Variants in CSMD1 observed in about 807,000 individuals in gnomAD.
CSMD1 encodes the protein CUB and Sushi multiple domains 1, also known as CUB and sushi domain-containing protein 1.
CSMD1 carries 213 observed loss-of-function variants against 417.5 expected under a neutral mutation model. The ratio of observed to expected loss-of-function variants is 0.51; its 90% CI spans 0.46 to 0.57. The LOEUF is 0.57. CSMD1 is among the 20% of genes least tolerant of loss of function. The pLI is 0.00. For missense variants in CSMD1, 6,923 were observed against 4,529.7 expected, an observed-to-expected ratio of 1.53 and a Z score of -15.17; for synonymous variants, 2,862 against 1,736.8, an observed-to-expected ratio of 1.65 and a Z score of -16.11.
intron 35 of CSMD1, 119 bp from the exon 36 acceptor site, chr8:3,188,084 A>ATATATG (rs1422257129): frequency 3.2e-6 from 1 of 311,820 alleles, no homozygotes; most frequent in African/African-American, 2.5e-5. Flanking sequence ...ATACATATGT[A>ATATATG]TATGTATATA....
chr8:4,148,821 C>T (rs529029367), intron 3 of CSMD1, among the ~76,000 whole-genome samples: 1 of 152,268 alleles, frequency 6.6e-6, no homozygotes, highest in East Asian at 1.9e-4. Context: ...ATGATTCAGT[C>T]CCTCATGCTG....
chr8:3,163,092 G>C (rs1437913893), intron 37 of CSMD1, among the ~76,000 whole-genome samples: 1 of 152,210 alleles, frequency 6.6e-6, no homozygotes, highest in Non-Finnish European at 1.5e-5. Context: ...AGATGAGCAA[G>C]TTCTGAGGAT....
At chr8:3,648,733 C>A (rs2117366615) in intron 7 of CSMD1, among the ~76,000 whole-genome samples, 1 of 152,260 alleles carries the variant, frequency 6.6e-6, no homozygotes, top group Non-Finnish European at 1.5e-5. Context: ...AGTTACATGG[C>A]TCATGTCTGT....
chr8:3,790,590 G>C (rs1330134577), intron 5 of CSMD1, among the ~76,000 whole-genome samples: 1 of 151,946 alleles, frequency 6.6e-6, no homozygotes, highest in African/African-American at 2.4e-5. Flanking sequence ...TTATGTTTTT[G>C]GCATACACAA....
At chr8:4,957,960 C>G (rs1273187593) in intron 1 of CSMD1, among the ~76,000 whole-genome samples, 2 of 152,132 alleles carry the variant, frequency 1.3e-5, no homozygotes, top group African/African-American at 4.8e-5. Context: ...GCTTTTCTCT[C>G]CTTAGTAAGA....
rs868072557 is a variant in CSMD1, at chr8:3,772,542, C to T, written c.819-18500G>A. 2.5e-3 allele frequency among the ~76,000 whole-genome samples: 132 copies of T among 52,916 alleles called. 43 individuals carry two copies. Among genetic ancestry groups the T allele is most frequent in the African/African-American group, 6.6e-3 (126 of 19,214 alleles). 34.7% of individuals were successfully genotyped at this position (52,916 alleles called of 152,430 possible). On this transcript the variant is annotated intron_variant, in intron 5 of 69. Transcript: ENST00000635120. ...ATATATACACATATATACATATATA[C>T]ACATATATACATATATACATATATA...
chr8:4,521,591 C>G (rs1803451255), intron 2 of CSMD1, among the ~76,000 whole-genome samples: 1 of 151,960 alleles, frequency 6.6e-6, no homozygotes, highest in Admixed American at 6.6e-5. Flanking sequence ...TTGATGGATA[C>G]AAAAATAAAG....
intron 37 of CSMD1, among the ~76,000 whole-genome samples, chr8:3,172,699 G>C (rs868520586): frequency 6.6e-6 from 1 of 152,108 alleles, no homozygotes; most frequent in East Asian, 1.9e-4. Context: ...CAGGGGAGGT[G>C]GGAGGAAGGC....
intron 41 of CSMD1, among the ~76,000 whole-genome samples, chr8:3,123,558 G>A (rs1304532668): frequency 6.6e-6 from 1 of 151,854 alleles, no homozygotes; most frequent in African/African-American, 2.4e-5. Context: ...AAACTCTCTT[G>A]GAAAAATGAG....
At chr8:3,886,280 C>G (rs950443375) in intron 5 of CSMD1, among the ~76,000 whole-genome samples, 5 of 152,126 alleles carry the variant, frequency 3.3e-5, no homozygotes, top group Admixed American at 6.6e-5. Context: ...AACTCCTGAC[C>G]TCAAGTAATC....
chr8:4,010,436 C>A (rs1816456088), intron 4 of CSMD1, among the ~76,000 whole-genome samples: 1 of 152,184 alleles, frequency 6.6e-6, no homozygotes, highest in Admixed American at 6.5e-5. Context: ...AATGTCAACA[C>A]AGGTAATCCT....
intron 2 of CSMD1, among the ~76,000 whole-genome samples, chr8:4,506,986 G>T (rs903013943): frequency 1.3e-5 from 2 of 152,058 alleles, no homozygotes; most frequent in East Asian, 1.9e-4. Context: ...AAATTGAATC[G>T]GTGAAGGAAT....
chr8:3,846,850 T>C (rs1167607689), intron 5 of CSMD1, among the ~76,000 whole-genome samples: 1 of 152,098 alleles, frequency 6.6e-6, no homozygotes, highest in Non-Finnish European at 1.5e-5. Context: ...ATTTTTTGTA[T>C]ATTTAGTGCA....
chr8:3,893,363 T>TATATATATATATA (rs1563185043), intron 5 of CSMD1, among the ~76,000 whole-genome samples: 4 of 28,814 alleles, frequency 1.4e-4, no homozygotes, highest in African/African-American at 3.1e-4. Flanking sequence ...ATATATATAT[T>TATATATATATATA]ATTTTTTTTC....
At chr8:3,796,673 T>G (rs1196495341) in intron 5 of CSMD1, among the ~76,000 whole-genome samples, 1 of 150,302 alleles carries the variant, frequency 6.7e-6, no homozygotes, top group African/African-American at 2.4e-5. Context: ...TATATCTATA[T>G]GTATACATTG....
chr8:3,801,998 A>G (rs139565041), intron 5 of CSMD1, among the ~76,000 whole-genome samples: 4 of 152,266 alleles, frequency 2.6e-5, no homozygotes, highest in African/African-American at 9.6e-5. Flanking sequence ...AAAATATTCT[A>G]AAATCGGATT....
At chr8:4,678,999 C>A (rs1805865209) in intron 1 of CSMD1, among the ~76,000 whole-genome samples, 1 of 152,198 alleles carries the variant, frequency 6.6e-6, no homozygotes, top group Non-Finnish European at 1.5e-5. Flanking sequence ...CAACCTCACC[C>A]ACAGAACAAC....
intron 5 of CSMD1, among the ~76,000 whole-genome samples, chr8:3,860,391 A>G (rs1162316122): frequency 1.3e-5 from 2 of 152,206 alleles, no homozygotes; most frequent in Non-Finnish European, 2.9e-5. Flanking sequence ...AAAAATCATC[A>G]GTCAAAATGG....
chr8:4,343,574 G>A (rs138363294), intron 3 of CSMD1, among the ~76,000 whole-genome samples: 3 of 152,124 alleles, frequency 2.0e-5, no homozygotes, highest in East Asian at 1.9e-4. Context: ...CAATAGAGCT[G>A]GAATAAAGTA....
Sources: gnomAD v4.1 joint callset for allele counts (sites outside exome capture counted in the v4.1 genomes callset) on GRCh38, gnomAD v4.1.1 for gene constraint, MANE v1.5 for transcripts, NCBI Gene and HGNC (gene_info 2026-07-23, HGNC 2026-07-21) for gene names.